The following KCNIP4 variants were observed in gnomAD, a reference collection of about 807,000 sequenced individuals.
The protein encoded by KCNIP4 is Kv channel-interacting protein 4.
In KCNIP4, 12 loss-of-function variants were observed where a neutral mutation model predicts 34.0. The observed-to-expected ratio is 0.35, with a 90% CI of 0.23 to 0.57. The LOEUF (loss-of-function observed/expected upper bound fraction) is 0.57. Ranked by LOEUF, KCNIP4 falls within the 20% of genes least tolerant of loss-of-function variation. The pLI is 0.83. For synonymous variants in KCNIP4, 124 were observed against 102.2 expected, an observed-to-expected ratio of 1.21 and a Z score of -1.29; for missense variants, 238 against 311.7, an observed-to-expected ratio of 0.76 and a Z score of 1.78.
At chr4:21,108,067 C>A (rs1250987376) in intron 1 of KCNIP4, among the ~76,000 whole-genome samples, 1 of 151,160 alleles carries the variant, frequency 6.6e-6, no homozygotes, top group Non-Finnish European at 1.5e-5. Context: ...GTGAATCTGA[C>A]AATTATGTGT....
chr4:21,656,221 A>T (rs1747916666), intron 1 of KCNIP4, among the ~76,000 whole-genome samples: 1 of 152,088 alleles, frequency 6.6e-6, no homozygotes. Context: ...AACACCCCAT[A>T]TCTCTACCTT....
intron 1 of KCNIP4, among the ~76,000 whole-genome samples, chr4:20,922,367 G>A (rs752709097): frequency 1.3e-5 from 2 of 152,148 alleles, no homozygotes; most frequent in Non-Finnish European, 2.9e-5. Flanking sequence ...TCTTTCTTTG[G>A]AGCTGTGATA....
chr4:21,200,999 T>C (rs1249359076), intron 1 of KCNIP4, among the ~76,000 whole-genome samples: 1 of 152,160 alleles, frequency 6.6e-6, no homozygotes, highest in African/African-American at 2.4e-5. Context: ...AAGTGACTTG[T>C]CCAAGGTCAC....
intron 1 of KCNIP4, among the ~76,000 whole-genome samples, chr4:20,954,555 G>A (rs1161357115): frequency 6.6e-6 from 1 of 152,114 alleles, no homozygotes; most frequent in African/African-American, 2.4e-5. Flanking sequence ...AAGGTATAAT[G>A]AAACAACAAC....
At position 21,787,868 on chromosome 4, in the gene KCNIP4, G is replaced by A. The variant is rs540148633; in HGVS notation, c.61+160703C>T. On this transcript the variant is annotated intron_variant, in intron 1 of 8. Coordinates refer to ENST00000382152, the MANE Select transcript of KCNIP4 (RefSeq NM_025221.6). Reference sequence around the variant, plus strand: ...ACACACTGGCATATAATTGTATATCGGTTCTTCCAGAGCTGACATTCTAGT... The same window carrying A: ...ACACACTGGCATATAATTGTATATCAGTTCTTCCAGAGCTGACATTCTAGT... 3.9e-5 allele frequency among the ~76,000 whole-genome samples: 6 copies of A among 151,914 alleles called. No individual in the cohort carries two copies. In the East Asian group the frequency reaches 5.8e-4, roughly 15 times the overall value.
chr4:21,901,559 A>G (rs1316151301), intron 1 of KCNIP4, among the ~76,000 whole-genome samples: 3 of 152,174 alleles, frequency 2.0e-5, no homozygotes, highest in African/African-American at 7.2e-5. Flanking sequence ...TCAAGAGGTA[A>G]AGTGGGGGCT....
At chr4:21,049,658 A>T (rs1475501571) in intron 1 of KCNIP4, among the ~76,000 whole-genome samples, 8 of 152,156 alleles carry the variant, frequency 5.3e-5, no homozygotes, top group Non-Finnish European at 1.2e-4. Flanking sequence ...CTGCCATAGC[A>T]CTCAGGACAC....
At chr4:21,135,039 T>C (rs946688281) in intron 1 of KCNIP4, among the ~76,000 whole-genome samples, 3 of 152,204 alleles carry the variant, frequency 2.0e-5, no homozygotes, top group Non-Finnish European at 4.4e-5. Context: ...AATTCTCACA[T>C]ACGGATTCAG....
chr4:21,465,108 TAGA>T (rs565685950), intron 1 of KCNIP4, among the ~76,000 whole-genome samples: 114 of 152,168 alleles, frequency 7.5e-4, no homozygotes, highest in African/African-American at 2.7e-3. Flanking sequence ...TGAGTATAAA[TAGA>T]AGAAGAACAT....
intron 1 of KCNIP4, among the ~76,000 whole-genome samples, chr4:21,538,343 T>A (rs1274075078): frequency 6.6e-6 from 1 of 152,142 alleles, no homozygotes; most frequent in Non-Finnish European, 1.5e-5. Context: ...ACACCATCCA[T>A]AAATATCCAT....
intron 1 of KCNIP4, among the ~76,000 whole-genome samples, chr4:21,334,486 C>G (rs1412855101): frequency 6.6e-6 from 1 of 151,916 alleles, no homozygotes; most frequent in Non-Finnish European, 1.5e-5. Context: ...ACAAGCTATT[C>G]CCTTACCATT....
At chr4:20,828,535 G>A (rs1199280577) in intron 3 of KCNIP4, among the ~76,000 whole-genome samples, 1 of 152,196 alleles carries the variant, frequency 6.6e-6, no homozygotes, top group African/African-American at 2.4e-5. Context: ...ACAGAAGGCT[G>A]ATACTCAGAT....
At chr4:20,910,839 C>T (rs539257784) in intron 1 of KCNIP4, among the ~76,000 whole-genome samples, 35 of 152,262 alleles carry the variant, frequency 2.3e-4, no homozygotes, top group East Asian at 1.5e-3. Context: ...CCTCTAGCCC[C>T]GTTATGCCCC....
chr4:21,437,842 T>C (rs190516526), intron 1 of KCNIP4, among the ~76,000 whole-genome samples: 44 of 151,818 alleles, frequency 2.9e-4, no homozygotes, highest in African/African-American at 1.0e-3. Context: ...CAACATGAAG[T>C]CAATGGAACT....
chr4:21,692,306 A>G (rs565222249), intron 1 of KCNIP4, among the ~76,000 whole-genome samples: 1 of 152,348 alleles, frequency 6.6e-6, no homozygotes, highest in East Asian at 1.9e-4. Context: ...ATCTGTATAT[A>G]TAAGTGTTTT....
At chr4:21,918,664 T>C (rs1476214570) in intron 1 of KCNIP4, among the ~76,000 whole-genome samples, 1 of 152,100 alleles carries the variant, frequency 6.6e-6, no homozygotes, top group Non-Finnish European at 1.5e-5. Context: ...CAGTGGTGCG[T>C]TTTATTTGAA....
chr4:21,638,889 G>T (rs1217771229), intron 1 of KCNIP4, among the ~76,000 whole-genome samples: 1 of 152,104 alleles, frequency 6.6e-6, no homozygotes, highest in Non-Finnish European at 1.5e-5. Flanking sequence ...TGCAAAACTA[G>T]AGCTAATAAG....
intron 1 of KCNIP4, among the ~76,000 whole-genome samples, chr4:21,508,853 C>G (rs1734075160): frequency 6.6e-6 from 1 of 151,946 alleles, no homozygotes; most frequent in African/African-American, 2.4e-5. Context: ...TTCCTTCAAA[C>G]TTGGTATATA....
intron 1 of KCNIP4, among the ~76,000 whole-genome samples, chr4:21,224,578 G>GTTTTTTTT (rs765906146): frequency 4.5e-5 from 2 of 44,880 alleles, no homozygotes; most frequent in African/African-American, 1.0e-4. Flanking sequence ...TTTTTCAACT[G>GTTTTTTTT]TTTTTTTTTT....
Sources: allele counts gnomAD v4.1 joint callset (sites outside exome capture counted in the v4.1 genomes callset), GRCh38; gene constraint gnomAD v4.1.1; transcripts MANE v1.5; gene names NCBI Gene and HGNC (gene_info 2026-07-23, HGNC 2026-07-21).